TCF7: variants seen among roughly 807,000 people sequenced by gnomAD.
TCF7 encodes T-cell-factor-7.
A neutral mutation model predicts 46.8 loss-of-function variants in TCF7; 19 were observed. That is an observed-to-expected ratio of 0.41 (90% CI 0.28 to 0.60). The LOEUF (loss-of-function observed/expected upper bound fraction) is 0.60. Ranked by LOEUF, TCF7 falls within the 20% of genes least tolerant of loss-of-function variation. TCF7 has a pLI of 0.35. For missense variants in TCF7, 547 were observed against 504.6 expected (o/e 1.08, Z -0.81); for synonymous variants, 245 against 213.4 (o/e 1.15, Z -1.29).
At position 134,115,358 on chromosome 5, in the gene TCF7, CG is replaced by C; in HGVS notation, c.289del (p.Asp97ThrfsTer11). On this transcript the variant is annotated frameshift_variant, in exon 2 of 10. Transcript: ENST00000342854. LOFTEE classifies it high-confidence loss of function. ...GAACACGCTGCGCAGAGACTCTTCC[CG>C]GACAAACTTCCAGAGCCCCTGGAGG... Reference protein sequence around the residue: ...GREHAAQRLFPDKLPEPLEDG... With the variant: ...GREHAAQRLFXDKLPEPLEDG... 6.2e-7 allele frequency: 1 copy of C among 1,602,762 alleles called. No individual in the cohort carries two copies. Among genetic ancestry groups the C allele is most frequent in the Non-Finnish European group, 8.5e-7 (1 of 1,175,492 alleles).
At chr5:134,111,031 C>T (rs1755322678), upstream of TCF7, among the ~76,000 whole-genome samples, 1 of 152,184 alleles carries the variant, frequency 6.6e-6, no homozygotes, top group Non-Finnish European at 1.5e-5. Flanking sequence ...GGCTGCTGTT[C>T]TAAGCTCTTC....
At chr5:134,132,399 T>C (rs1421553625) in intron 3 of TCF7, among the ~76,000 whole-genome samples, 2 of 152,146 alleles carry the variant, frequency 1.3e-5, no homozygotes, top group Non-Finnish European at 2.9e-5. Context: ...ATGGTACCAA[T>C]AGCGACCAGC....
At chr5:134,137,973 C>T (rs933729012) in intron 3 of TCF7, 86 bp from the exon 4 acceptor site, 460 of 1,159,750 alleles carry the variant, frequency 4.0e-4, no homozygotes, top group Middle Eastern at 6.2e-4. Flanking sequence ...TTTTCTTTGA[C>T]AGCTGGGCTT....
At chr5:134,109,936 C>G (rs1474986283), upstream of TCF7, among the ~76,000 whole-genome samples, 1 of 152,194 alleles carries the variant, frequency 6.6e-6, no homozygotes, top group Non-Finnish European at 1.5e-5. Context: ...ACTGGTACAC[C>G]CGGCAGCCTA....
At chr5:134,126,927 G>T (rs1246519187) in intron 3 of TCF7, among the ~76,000 whole-genome samples, 2 of 152,004 alleles carry the variant, frequency 1.3e-5, no homozygotes, top group African/African-American at 2.4e-5. Context: ...TACAAGCCAA[G>T]AAAGTAGGTA....
chr5:134,146,271 C>A lies in TCF7; in HGVS notation c.1123C>A (p.Pro375Thr). ...TACTTACCCGGAGAAGGCCGCTGCCCCAGCCCCGTTCCTTCCGATGACAGT... is the reference window on the plus strand; with the variant it reads ...TACTTACCCGGAGAAGGCCGCTGCCACAGCCCCGTTCCTTCCGATGACAGT... ...FGTYPEKAAA[P>T]APFLPMTVL is the part of the protein sequence containing the mutation. The change falls in exon 10 of 10, where the codon CCA becomes ACA. Residue 375 changes from proline to threonine, a missense_variant. Around this residue, in one of 3 missense-constraint regions of TCF7, gnomAD observed 90 missense variants for 88.8 expected, o/e 1.01. Coordinates refer to ENST00000342854, the MANE Select transcript of TCF7 (RefSeq NM_003202.5). The A allele has an allele frequency of 1.2e-6, 2 of 1,614,192 alleles. No homozygotes were observed. Among genetic ancestry groups the A allele is most frequent in the Non-Finnish European group, 1.7e-6 (2 of 1,180,034 alleles).
rs1374528304 is a variant in TCF7, at chr5:134,139,014, G to A, written c.611G>A (p.Gly204Glu). Reference protein sequence around the residue: ...GFYSLTSGSMGQLPHTVSWFT... With the variant: ...GFYSLTSGSMEQLPHTVSWFT... ...TACTCCCTGACCTCAGGCAGCATGG[G>A]GCAGCTCCCCCACACTGTGAGCTGG... Residue 204 changes from glycine (G) to glutamate (E), a missense_variant, in exon 5 of 10, where the codon GGG becomes GAG. By Grantham distance (98) the Gly-to-Glu change is moderately conservative. Coordinates refer to ENST00000342854, the MANE Select transcript of TCF7 (RefSeq NM_003202.5). The A allele has an allele frequency of 6.2e-7, 1 of 1,613,884 alleles. No individual in the cohort carries two copies. Among genetic ancestry groups the A allele is most frequent in the South Asian group, 1.1e-5 (1 of 91,086 alleles).
upstream of TCF7, among the ~76,000 whole-genome samples, chr5:134,109,716 G>A (rs1207596021): frequency 6.6e-6 from 1 of 150,400 alleles, no homozygotes; most frequent in African/African-American, 2.5e-5. Flanking sequence ...GTTGCAGTGA[G>A]CCGAGATCGT....
At position 134,114,857 on chromosome 5, in the gene TCF7, C is replaced by G. The variant is rs953771789; in HGVS notation, c.-50C>G. 13 of 982,888 alleles carry G rather than the reference C, an allele frequency of 1.3e-5. No homozygotes were observed. Among genetic ancestry groups the G allele is most frequent in the Non-Finnish European group, 1.4e-5 (12 of 829,850 alleles). The allele number at this position is 982,888 out of a possible 1,614,324, so 60.9% of individuals were successfully genotyped here. A position where few individuals can be genotyped will look rare whatever the true frequency, so the allele number is the denominator to read the frequency against. On this transcript the variant is annotated 5_prime_UTR_variant, in exon 1 of 10. Transcript: ENST00000342854. The stretch of plus-strand genomic sequence containing the variant: ...GCCGCCCCCCGGGCCGGCTCCGCGC[C>G]CCGCACTCCCGGCGCCCAGCGCCCC...
chr5:134,108,804 G>C, the TCF7 span, among the ~76,000 whole-genome samples: 1 of 152,150 alleles, frequency 6.6e-6, no homozygotes, highest in Non-Finnish European at 1.5e-5. Context: ...CCAGGGCCTA[G>C]TTCACCTAGG....
intron 9 of TCF7, chr5:134,145,383 G>T: frequency 1.8e-6 from 1 of 554,336 alleles, no homozygotes; most frequent in Non-Finnish European, 3.5e-6. Flanking sequence ...GATACCAAAG[G>T]GCTGGAGAGG....
At chr5:134,143,745 C>T (rs1321650557) in intron 9 of TCF7, 105 bp downstream of exon 9, 10 of 1,367,240 alleles carry the variant, frequency 7.3e-6, no homozygotes, top group Non-Finnish European at 1.0e-5. Context: ...AGCTAGGAGC[C>T]TTCAGGGCCT....
chr5:134,131,293 A>G (rs893646483), intron 3 of TCF7, among the ~76,000 whole-genome samples: 2 of 152,196 alleles, frequency 1.3e-5, no homozygotes, highest in Non-Finnish European at 2.9e-5. Context: ...CTTGCTTCCC[A>G]CATGTGCGAA....
At position 134,142,236 on chromosome 5, in the gene TCF7, A is replaced by T. The variant is rs376336596; in HGVS notation, c.687A>T (p.Ala229=). ...MLGSGVPGHP[A]AIPHPAIVPP... is the part of the protein sequence containing the mutation. The stretch of plus-strand genomic sequence containing the variant: ...GTTCTGGTGTACCTGGTCACCCAGC[A>T]GCCATCCCCCACCCGGCCATTGTGC... Residue 229 remains alanine (A), a synonymous_variant, in exon 6 of 10, where the codon GCA becomes GCT. Coordinates refer to ENST00000342854, the MANE Select transcript of TCF7 (RefSeq NM_003202.5). 3 of 1,612,362 alleles carry T rather than the reference A, an allele frequency of 1.9e-6. No homozygotes were observed. In the African/African-American group the frequency reaches 4.0e-5, roughly 22 times the overall value.
At position 134,128,856 on chromosome 5, in the gene TCF7, C is replaced by T. The variant is rs76463416; in HGVS notation, c.442-9203C>T. ...CCAGACCCGGTGGGAAGGATGACCT[C>T]TTGCTTTTCTTTTGGTCATTTATGA... On this transcript the variant is annotated intron_variant, in intron 3 of 9. Coordinates refer to ENST00000342854, the MANE Select transcript of TCF7 (RefSeq NM_003202.5). Among the ~76,000 whole-genome samples the T allele has an allele frequency of 5.5e-3, 839 of 152,294 alleles. 6 individuals are homozygous for T. The highest frequency in any genetic ancestry group is 0.019 in the African/African-American group (789 of 41,556).
Position 134,146,269 on chromosome 5 carries a change from C to T in TCF7, c.1121C>T (p.Ala374Val). 1 of 1,614,186 alleles carries T rather than the reference C, an allele frequency of 6.2e-7. No homozygotes were observed. The highest frequency in any genetic ancestry group is 8.5e-7 in the Non-Finnish European group (1 of 1,180,026). ...AFGTYPEKAAAPAPFLPMTVL is the reference protein window; with the variant it reads ...AFGTYPEKAAVPAPFLPMTVL ...GGTACTTACCCGGAGAAGGCCGCTG[C>T]CCCAGCCCCGTTCCTTCCGATGACA... Residue 374 changes from alanine (A) to valine (V), a missense_variant, in exon 10 of 10, where the codon GCC becomes GTC. By Grantham distance (64) the Ala-to-Val change is moderately conservative. This residue lies in a region of TCF7 where 90 missense variants were observed against 88.8 expected (regional missense o/e 1.01). Coordinates refer to ENST00000342854, the MANE Select transcript of TCF7 (RefSeq NM_003202.5).
At chr5:134,115,262 C>T (rs1411078632) in intron 1 of TCF7, 59 bp from the exon 2 acceptor site, 8 of 1,471,918 alleles carry the variant, frequency 5.4e-6, no homozygotes, top group South Asian at 1.3e-5. Flanking sequence ...CCTGCCCCGG[C>T]GTCGGCCCCG....
At chr5:134,145,001 A>G in intron 9 of TCF7, 1 of 770,502 alleles carries the variant, frequency 1.3e-6, no homozygotes, top group Non-Finnish European at 2.3e-6. Flanking sequence ...TTGGGAGCCC[A>G]GGCCTCCTGA....
At chr5:134,113,756 C>A (rs1755424878), upstream of TCF7, among the ~76,000 whole-genome samples, 1 of 152,250 alleles carries the variant, frequency 6.6e-6, no homozygotes, top group African/African-American at 2.4e-5. Flanking sequence ...CACTTTCCCG[C>A]GCTCCGCAAA....
Sources: allele counts gnomAD v4.1 joint callset (sites outside exome capture counted in the v4.1 genomes callset), GRCh38; gene constraint gnomAD v4.1.1; regional missense constraint gnomAD v4.1.1; transcripts MANE v1.5; gene names NCBI Gene and HGNC (gene_info 2026-07-23, HGNC 2026-07-21).